The following C1orf52 variants were observed in gnomAD, a reference collection of about 807,000 sequenced individuals.
The protein encoded by C1orf52 is UPF0690 protein C1orf52.
C1orf52 carries 5 observed loss-of-function variants against 17.2 expected under a neutral mutation model. That is an observed-to-expected ratio of 0.29 (90% CI 0.15 to 0.61). C1orf52 has a LOEUF of 0.61. Among genes scored for constraint, C1orf52 ranks in the 20% least tolerant of loss-of-function variants. The probability of loss-of-function intolerance (pLI) is 0.85; values close to 1 mark genes in which losing one functional copy is unlikely to be tolerated. For synonymous variants in C1orf52, 110 were observed against 88.0 expected (o/e 1.25, Z -1.40); for missense variants, 245 against 234.1 (o/e 1.05, Z -0.30).
rs184669358 is a variant in C1orf52, at chr1:85,256,752, T to C, written c.475+1772A>G. Among the ~76,000 whole-genome samples the C allele has an allele frequency of 3.2e-3, 418 of 131,402 alleles. 2 individuals carry two copies. The highest frequency in any genetic ancestry group is 0.012 in the African/African-American group (399 of 33,700). The allele number at this position is 131,402 out of a possible 152,430, so 86.2% of individuals were successfully genotyped here. On this transcript the variant is annotated intron_variant, in intron 2 of 2. Coordinates refer to ENST00000471115, the MANE Select transcript of C1orf52 (RefSeq NM_198077.4). ...AGGCGGAGCTTGCAGTGAGCCGAGA[T>C]GGCGCCACTGCACTCCAGCCTGGGC...
At position 85,251,984 on chromosome 1, in the gene C1orf52, A is replaced by C. The variant is rs1230061297; in HGVS notation, c.*645T>G. 1 of 152,220 alleles carries C rather than the reference A, an allele frequency of 6.6e-6. No individual in the cohort carries two copies. The highest frequency in any genetic ancestry group is 1.5e-5 in the Non-Finnish European group (1 of 68,042). 9.4% of individuals were successfully genotyped at this position (152,220 alleles called of 1,614,324 possible). Reference sequence around the variant, plus strand: ...CTAGCTGTGTAACATCAGACAAGCTACTCAAGCACTCTTTATTATAAAATG... The same window carrying C: ...CTAGCTGTGTAACATCAGACAAGCTCCTCAAGCACTCTTTATTATAAAATG... On this transcript the variant is annotated 3_prime_UTR_variant, in exon 3 of 3. Transcript: ENST00000471115.
At chr1:85,258,972 C>A in intron 1 of C1orf52, 1 of 1,379,280 alleles carries the variant, frequency 7.3e-7, no homozygotes, top group South Asian at 1.6e-5. Flanking sequence ...TACGCCAAGG[C>A]TGACCCCTTC....
Position 85,259,370 on chromosome 1 carries a change from C to T in C1orf52, c.264G>A (p.Lys88=), listed in dbSNP as rs1660031233. 6.2e-7 allele frequency: 1 copy of T among 1,611,348 alleles called. No individual in the cohort carries two copies. Among genetic ancestry groups the T allele is most frequent in the Non-Finnish European group, 8.5e-7 (1 of 1,177,716 alleles). ...TCGGGGACCTCACCTCCTCAGGCGC[C>T]TTGACGACGTGCCTCTCCCAGTCTA... ...KQIDWERHVV[K]APEEPPKEFK... The change falls in exon 1 of 3, where the codon AAG becomes AAA. Residue 88 remains lysine (K), a synonymous_variant. Transcript: ENST00000471115.
chr1:85,252,452 A>C lies in C1orf52; in HGVS notation c.*177T>G. The stretch of plus-strand genomic sequence containing the variant: ...GTCACCAGTTGAGTTTTAAATACAT[A>C]CATGTTTTAAATAAAAAAAGAATTC... On this transcript the variant is annotated 3_prime_UTR_variant, in exon 3 of 3. Transcript: ENST00000471115. The C allele has an allele frequency of 1.8e-6, 1 of 560,046 alleles. No homozygotes were observed. The highest frequency in any genetic ancestry group is 3.1e-6 in the Non-Finnish European group (1 of 319,402). 34.7% of individuals were successfully genotyped at this position (560,046 alleles called of 1,614,324 possible). A position where few individuals can be genotyped will look rare whatever the true frequency, so the allele number is the denominator to read the frequency against.
Position 85,258,555 on chromosome 1 carries a change from A to G in C1orf52, c.444T>C (p.Leu148=), listed in dbSNP as rs1239848074. 1.2e-6 allele frequency: 2 copies of G among 1,614,156 alleles called. No individual in the cohort carries two copies. Among genetic ancestry groups the G allele is most frequent in the Admixed American group, 3.3e-5 (2 of 60,022 alleles). ...DAPQNAKKAR[L]LPEGEETLES... is the part of the protein sequence containing the mutation. ...CCAACGTCTCCTCCCCTTCTGGTAG[A>G]AGCCTAGCTTTCTTAGCATTCTGTG... Residue 148 remains leucine, a synonymous_variant, in exon 2 of 3, where the codon CTT becomes CTC. Transcript: ENST00000471115.
rs1314573163 is a variant in C1orf52 at position 85,259,646 on chromosome 1, C to A, written c.-13G>T. ...CCTCCGCTGCCATGACGGCTGCGAG[C>A]GACAACCCAGCACTCCGCCGGAAGC... On this transcript the variant is annotated 5_prime_UTR_variant, in exon 1 of 3. Coordinates refer to ENST00000471115, the MANE Select transcript of C1orf52 (RefSeq NM_198077.4). The A allele has an allele frequency of 1.4e-5, 21 of 1,530,100 alleles. No individual in the cohort carries two copies. The East Asian group carries it at 2.7e-4, about 20-fold the overall frequency. 94.8% of individuals were successfully genotyped at this position (1,530,100 alleles called of 1,614,324 possible).
At position 85,251,120 on chromosome 1, in the gene C1orf52, C is replaced by T. The variant is rs1331590492; in HGVS notation, c.*1509G>A. 1 of 152,056 alleles carries T rather than the reference C, an allele frequency of 6.6e-6. No homozygotes were observed. The highest frequency in any genetic ancestry group is 2.4e-5 in the African/African-American group (1 of 41,400). 9.4% of individuals were successfully genotyped at this position (152,056 alleles called of 1,614,324 possible). ...AATTTTAATCTACTTGATACACATG[C>T]CTAGGTAAACAAATCTCGCGTAATT... On this transcript the variant is annotated 3_prime_UTR_variant, in exon 3 of 3. Transcript: ENST00000471115.
intron 1 of C1orf52, 97 bp downstream of exon 1, chr1:85,259,261 C>A: frequency 7.8e-7 from 1 of 1,289,632 alleles, no homozygotes; most frequent in Non-Finnish European, 1.0e-6. Context: ...GGGGTGACTG[C>A]GTGTGGGGGG....
chr1:85,254,663 T>C (rs942433495), intron 2 of C1orf52, among the ~76,000 whole-genome samples: 10 of 152,240 alleles, frequency 6.6e-5, no homozygotes, highest in African/African-American at 2.4e-4. Flanking sequence ...AGTGCTGGGA[T>C]TACAGGCGTG....
chr1:85,251,208 C>T lies in C1orf52; in HGVS notation c.*1421G>A, dbSNP rs1392519369. The stretch of plus-strand genomic sequence containing the variant: ...TTAAAAAAAAATACTTAGATTATGT[C>T]TTTTTCTTTCTAAATTATTTTTTGT... On this transcript the variant is annotated 3_prime_UTR_variant, in exon 3 of 3. Coordinates refer to ENST00000471115, the MANE Select transcript of C1orf52 (RefSeq NM_198077.4). 1 of 152,116 alleles carries T rather than the reference C, an allele frequency of 6.6e-6. No homozygotes were observed. Among genetic ancestry groups the T allele is most frequent in the East Asian group, 1.9e-4 (1 of 5,190 alleles). 9.4% of individuals were successfully genotyped at this position (152,116 alleles called of 1,614,324 possible).
At position 85,251,370 on chromosome 1, in the gene C1orf52, A is replaced by C. The variant is rs1031943051; in HGVS notation, c.*1259T>G. ...TTGGCTGTCTTGTTCTTATACACTG[A>C]ATGTGCACTGTTCTGTAATTCTTAT... is the stretch of plus-strand genomic sequence containing the variant. On this transcript the variant is annotated 3_prime_UTR_variant, in exon 3 of 3. Transcript: ENST00000471115. 6.6e-6 allele frequency: 1 copy of C among 152,174 alleles called. No individual in the cohort carries two copies. Among genetic ancestry groups the C allele is most frequent in the African/African-American group, 2.4e-5 (1 of 41,458 alleles). The allele number at this position is 152,174 out of a possible 1,614,324, so 9.4% of individuals were successfully genotyped here. A position where few individuals can be genotyped will look rare whatever the true frequency, so the allele number is the denominator to read the frequency against.
At position 85,250,295 on chromosome 1, in the gene C1orf52, C is replaced by G. The variant is rs12065422; in HGVS notation, c.*2334G>C. 0.7 allele frequency: 106,198 copies of G among 151,918 alleles called. 37,734 individuals are homozygous for G. Among genetic ancestry groups the G allele is most frequent in the Non-Finnish European group, 0.77 (52,008 of 67,974 alleles). 9.4% of individuals were successfully genotyped at this position (151,918 alleles called of 1,614,324 possible). ...TGTTGCCCAGGCTTAACTTAAAGTG[C>G]AGGAAACAATCAGAAGTATCAAGTG... On this transcript the variant is annotated 3_prime_UTR_variant, in exon 3 of 3. Coordinates refer to ENST00000471115, the MANE Select transcript of C1orf52 (RefSeq NM_198077.4).
In C1orf52 at chr1:85,259,499, C is replaced by T. The variant is rs953565269; in HGVS notation, c.135G>A (p.Ala45=). 6.2e-7 allele frequency: 1 copy of T among 1,613,778 alleles called. No homozygotes were observed. Among genetic ancestry groups the T allele is most frequent in the African/African-American group, 1.3e-5 (1 of 74,906 alleles). The change falls in exon 1 of 3, where the codon GCG becomes GCA. Residue 45 remains alanine (A), a synonymous_variant. Transcript: ENST00000471115. ...TCTCCGCCTTGTTCCTACAGCCGCC[C>T]GCCGACTTCGCCGGATCCGGGGTTC... ...SRRTPDPAKS[A]GGCRNKAEKR...
At chr1:85,253,378 A>G (rs930999043) in intron 2 of C1orf52, among the ~76,000 whole-genome samples, 2 of 152,030 alleles carry the variant, frequency 1.3e-5, no homozygotes, top group African/African-American at 4.8e-5. Context: ...CTCCTCCAAA[A>G]ACAACTTCTT....
In C1orf52 at chr1:85,250,567, T is replaced by A. The variant is rs1659776833; in HGVS notation, c.*2062A>T. 6.6e-6 allele frequency: 1 copy of A among 152,166 alleles called. No individual in the cohort carries two copies. The highest frequency in any genetic ancestry group is 1.5e-5 in the Non-Finnish European group (1 of 68,048). The allele number at this position is 152,166 out of a possible 1,614,324, so 9.4% of individuals were successfully genotyped here. A position where few individuals can be genotyped will look rare whatever the true frequency, so the allele number is the denominator to read the frequency against. ...CAACCAGGAGATACAAATGGCTGAG[T>A]CAGACTTGCTCCAAAATATTTAGCC... On this transcript the variant is annotated 3_prime_UTR_variant, in exon 3 of 3. Transcript: ENST00000471115.
rs1659824633 is a variant in C1orf52, at chr1:85,252,554, C to T, written c.*75G>A. On this transcript the variant is annotated 3_prime_UTR_variant, in exon 3 of 3. Coordinates refer to ENST00000471115, the MANE Select transcript of C1orf52 (RefSeq NM_198077.4). Reference sequence around the variant, plus strand: ...TTTCATGGAGATGTGGCATAATAACCCACAATATCAACTTAATCTGTCCAA... The same window carrying T: ...TTTCATGGAGATGTGGCATAATAACTCACAATATCAACTTAATCTGTCCAA... 2 of 1,243,640 alleles carry T rather than the reference C, an allele frequency of 1.6e-6. No homozygotes were observed. The highest frequency in any genetic ancestry group is 2.5e-5 in the South Asian group (2 of 78,788). The allele number at this position is 1,243,640 out of a possible 1,614,324, so 77.0% of individuals were successfully genotyped here. A position where few individuals can be genotyped will look rare whatever the true frequency, so the allele number is the denominator to read the frequency against.
At chr1:85,255,048 T>C (rs190228858) in intron 2 of C1orf52, among the ~76,000 whole-genome samples, 15 of 152,328 alleles carry the variant, frequency 9.8e-5, no homozygotes, top group African/African-American at 3.6e-4. Context: ...TCTCATATAG[T>C]ATAGATGTAC....
intron 2 of C1orf52, among the ~76,000 whole-genome samples, chr1:85,257,258 A>G (rs1659967146): frequency 1.3e-5 from 2 of 152,260 alleles, no homozygotes; most frequent in African/African-American, 4.8e-5. Flanking sequence ...CATACAAGTG[A>G]TGAGGGCAAT....
intron 2 of C1orf52, 94 bp downstream of exon 2, chr1:85,258,430 G>T: frequency 8.9e-7 from 1 of 1,125,964 alleles, no homozygotes; most frequent in Non-Finnish European, 1.3e-6. Flanking sequence ...TTGTCAATTC[G>T]CTAGATTTAA....
Sources: gnomAD v4.1 joint callset for allele counts (sites outside exome capture counted in the v4.1 genomes callset) on GRCh38, gnomAD v4.1.1 for gene constraint, MANE v1.5 for transcripts, NCBI Gene and HGNC (gene_info 2026-07-23, HGNC 2026-07-21) for gene names.